Variants in CPNE2 observed in about 807,000 individuals in gnomAD.
CPNE2 encodes copine-2.
Under a neutral mutation model 69.7 loss-of-function variants are expected in CPNE2, and 42 were observed. That is an observed-to-expected ratio of 0.60 (90% CI 0.47 to 0.78). The LOEUF (loss-of-function observed/expected upper bound fraction) is 0.78. Among genes scored for constraint, CPNE2 ranks in the 30% least tolerant of loss-of-function variants. The pLI, the probability that CPNE2 is intolerant of heterozygous loss-of-function variation, is 0.00. For missense variants in CPNE2, 587 were observed against 732.0 expected (o/e 0.80, Z 2.29); for synonymous variants, 294 against 289.8 (o/e 1.01, Z -0.15).
intron 13 of CPNE2, 143 bp downstream of exon 13, chr16:57,134,969 A>G: frequency 1.1e-6 from 1 of 906,450 alleles, no homozygotes; most frequent in Non-Finnish European, 1.7e-6. Context: ...ACAGAGGGGG[A>G]AGAGCTGCAG....
Position 57,123,467 on chromosome 16 carries a change from G to A in CPNE2, c.921G>A (p.Met307Ile), listed in dbSNP as rs1401278187. 2 of 1,613,128 alleles carry A rather than the reference G, an allele frequency of 1.2e-6. No individual in the cohort carries two copies. Among genetic ancestry groups the A allele is most frequent in the Non-Finnish European group, 1.7e-6 (2 of 1,180,010 alleles). ...LDYILGGCQL[M>I]FTVGIDFTAS... ...ACATCCTGGGAGGCTGCCAGCTCAT[G>A]TTCACCGTAAGGCTCTCCCCGCTGG... is the stretch of plus-strand genomic sequence containing the variant. The change falls in exon 10 of 16, where the codon ATG (methionine) becomes ATA (isoleucine). Residue 307 changes from methionine (M) to isoleucine (I), a missense_variant. Around this residue, in one of 5 missense-constraint regions of CPNE2, gnomAD observed 269 missense variants for 300.5 expected, o/e 0.90. Transcript: ENST00000290776.
intron 14 of CPNE2, chr16:57,145,067 T>A (rs1277689830): frequency 6.6e-6 from 1 of 152,136 alleles, no homozygotes; most frequent in African/African-American, 2.4e-5. Context: ...ATTTTATATA[T>A]CTCCCACACT....
intron 12 of CPNE2, among the ~76,000 whole-genome samples, chr16:57,128,406 T>A (rs1306144939): frequency 2.0e-5 from 3 of 152,082 alleles, no homozygotes; most frequent in Non-Finnish European, 2.9e-5. Context: ...AACTTTTGTA[T>A]TTTTAGTAGA....
intron 11 of CPNE2, among the ~76,000 whole-genome samples, chr16:57,126,604 G>A (rs1233845372): frequency 6.6e-6 from 1 of 152,182 alleles, no homozygotes; most frequent in Non-Finnish European, 1.5e-5. Context: ...GGTGCTGATT[G>A]GGAGCTCCAG....
In CPNE2 at chr16:57,125,887, G is replaced by A. The variant is rs1470602812; in HGVS notation, c.955G>A (p.Gly319Arg). Residue 319 changes from glycine (G) to arginine (R), a missense_variant, in exon 11 of 16, where the codon GGG (glycine) becomes AGG (arginine). Gly to Arg is a moderately radical substitution (Grantham distance 125). Transcript: ENST00000290776. The part of the protein sequence containing the change: ...TVGIDFTASN[G>R]NPLDPSSLHY... ...TGGAATAGACTTTACAGCCTCCAAC[G>A]GGAATCCCCTCGACCCTTCCTCTTT... 43 of 1,614,050 alleles carry A rather than the reference G, an allele frequency of 2.7e-5. No individual in the cohort carries two copies. Among genetic ancestry groups the A allele is most frequent in the African/African-American group, 5.3e-5 (4 of 74,924 alleles).
chr16:57,121,000 C>G, intron 7 of CPNE2, 93 bp from the exon 8 acceptor site: 1 of 895,452 alleles, frequency 1.1e-6, no homozygotes, highest in Non-Finnish European at 1.7e-6. Flanking sequence ...ACTACCCAAA[C>G]AGAAGACAGA....
chr16:57,104,003 G>A (rs1011841043), intron 1 of CPNE2, among the ~76,000 whole-genome samples: 3 of 152,098 alleles, frequency 2.0e-5, no homozygotes, highest in African/African-American at 4.8e-5. Flanking sequence ...TGCAACCTCC[G>A]CCTCCCAGGT....
At chr16:57,121,816 GGACA>G (rs1171542485) in intron 9 of CPNE2, 56 bp downstream of exon 9, 4 of 1,513,934 alleles carry the variant, frequency 2.6e-6, no homozygotes, top group East Asian at 4.5e-5. Context: ...CACACAGAAG[GGACA>G]GACAGAGCAC....
chr16:57,114,934 C>CCA lies in CPNE2; in HGVS notation c.361-542_361-541insCA, dbSNP rs1555546226. Reference sequence around the variant, plus strand: ...CAACATAATGAGCCCTTGTCTCTACCAAAAAAAAAAAAAAAAAAAAAAAAA... The same window carrying CCA: ...CAACATAATGAGCCCTTGTCTCTACCCAAAAAAAAAAAAAAAAAAAAAAAAAA... On this transcript the variant is annotated intron_variant, in intron 3 of 15. Coordinates refer to ENST00000290776, the MANE Select transcript of CPNE2 (RefSeq NM_152727.6). 7.3e-3 allele frequency among the ~76,000 whole-genome samples: 285 copies of CCA among 39,062 alleles called. 8 individuals are homozygous for CCA. The highest frequency in any genetic ancestry group is 8.7e-3 in the African/African-American group (80 of 9,166). The allele number at this position is 39,062 out of a possible 152,430, so 25.6% of individuals were successfully genotyped here.
In CPNE2 at chr16:57,136,581, A is replaced by G. The variant is rs180914666; in HGVS notation, c.1169-568A>G. Among the ~76,000 whole-genome samples, 10 of 152,288 alleles carry G rather than the reference A, an allele frequency of 6.6e-5. No homozygotes were observed. In the East Asian group the frequency reaches 1.4e-3, roughly 21 times the overall value. The stretch of plus-strand genomic sequence containing the variant: ...TTGACAGACAAAGACGTAGCCTCAG[A>G]AAGATTAAACTACTTGCCCCAGGTC... On this transcript the variant is annotated intron_variant, in intron 13 of 15. Transcript: ENST00000290776.
chr16:57,108,442 C>T (rs2069661108), intron 1 of CPNE2, among the ~76,000 whole-genome samples: 1 of 151,952 alleles, frequency 6.6e-6, no homozygotes. Flanking sequence ...TGGAGAAGTT[C>T]AGGGTCAGTA....
At chr16:57,102,541 A>C (rs1479563329) in intron 1 of CPNE2, among the ~76,000 whole-genome samples, 1 of 151,330 alleles carries the variant, frequency 6.6e-6, no homozygotes, top group Non-Finnish European at 1.5e-5. Flanking sequence ...TGCTGTGTCC[A>C]CCAGCCTGGA....
intron 14 of CPNE2, among the ~76,000 whole-genome samples, chr16:57,139,341 G>A (rs1446033429): frequency 2.0e-5 from 3 of 152,134 alleles, no homozygotes; most frequent in Admixed American, 6.5e-5. Flanking sequence ...TGGAGTGCAG[G>A]GTCTGCAAAA....
chr16:57,125,302 C>T (rs946119549), intron 10 of CPNE2: 22 of 455,986 alleles, frequency 4.8e-5, no homozygotes, highest in African/African-American at 2.8e-4. Flanking sequence ...CTCCAGAGTA[C>T]GTGCTGCGGT....
rs542339303 is a variant in CPNE2 at position 57,096,725 on chromosome 16, G to T, written c.-36+3935G>T. On this transcript the variant is annotated intron_variant, in intron 1 of 15. Coordinates refer to ENST00000290776, the MANE Select transcript of CPNE2 (RefSeq NM_152727.6). ...AAAAAAAAAAAAAAAAAAGACTTGGGGTCCAACCAAAGGAAAGAGGGATTG... is the reference window on the plus strand; with the variant it reads ...AAAAAAAAAAAAAAAAAAGACTTGGTGTCCAACCAAAGGAAAGAGGGATTG... Among the ~76,000 whole-genome samples, 1,234 of 151,748 alleles carry T rather than the reference G, an allele frequency of 8.1e-3. 14 individuals are homozygous for T. Among genetic ancestry groups the T allele is most frequent in the African/African-American group, 0.028 (1,150 of 41,400 alleles).
intron 13 of CPNE2, among the ~76,000 whole-genome samples, 199 bp downstream of exon 13, chr16:57,135,025 C>G (rs1447754825): frequency 1.3e-5 from 2 of 152,166 alleles, no homozygotes; most frequent in African/African-American, 4.8e-5. Context: ...GCTGCCCTTC[C>G]TAGCTGTGGG....
rs1248361693 is a variant in CPNE2 at position 57,145,023 on chromosome 16, C to T, written c.1303-1062C>T. The T allele has an allele frequency of 2.0e-5, 3 of 152,150 alleles. No individual in the cohort carries two copies. The East Asian group carries it at 5.8e-4, about 29-fold the overall frequency. 9.4% of individuals were successfully genotyped at this position (152,150 alleles called of 1,614,324 possible). Reference sequence around the variant, plus strand: ...GTCCAATGAGCCTTCCTGCACTTCACTCAGGCACACCCCGGCCCCACTTCA... The same window carrying T: ...GTCCAATGAGCCTTCCTGCACTTCATTCAGGCACACCCCGGCCCCACTTCA... On this transcript the variant is annotated intron_variant, in intron 14 of 15. Transcript: ENST00000290776.
chr16:57,138,438 C>G (rs1046036178), intron 14 of CPNE2, among the ~76,000 whole-genome samples: 14 of 152,148 alleles, frequency 9.2e-5, no homozygotes, highest in African/African-American at 3.4e-4. Flanking sequence ...TGCCAAAAAC[C>G]CTTCGCCATC....
chr16:57,110,449 T>G (rs981828792), intron 1 of CPNE2: 7 of 181,652 alleles, frequency 3.9e-5, no homozygotes, highest in East Asian at 2.7e-4. Flanking sequence ...GGTCTTGAAC[T>G]CCGGGCTTCC....
Sources: gnomAD v4.1 joint callset for allele counts (sites outside exome capture counted in the v4.1 genomes callset) on GRCh38, gnomAD v4.1.1 for gene constraint, gnomAD v4.1.1 regional missense constraint, MANE v1.5 for transcripts, NCBI Gene and HGNC (gene_info 2026-07-23, HGNC 2026-07-21) for gene names.